The following CNTN4 variants were observed in gnomAD, a reference collection of about 807,000 sequenced individuals.
The protein encoded by CNTN4 is contactin-4.
In CNTN4, 77 loss-of-function variants were observed where a neutral mutation model predicts 122.5. That is an observed-to-expected ratio of 0.63 (90% confidence interval 0.52 to 0.76). The LOEUF (loss-of-function observed/expected upper bound fraction) is 0.76. Ranked by LOEUF, CNTN4 falls within the 30% of genes least tolerant of loss-of-function variation. The pLI, the probability that CNTN4 is intolerant of heterozygous loss-of-function variation, is 0.00. For synonymous variants in CNTN4, 512 were observed against 447.0 expected, an observed-to-expected ratio of 1.15 and a Z score of -1.83; for missense variants, 1,256 against 1,259.1, an observed-to-expected ratio of 1.00 and a Z score of 0.04.
Position 3,057,007 on chromosome 3 carries a change from C to A in CNTN4, c.*787C>A, listed in dbSNP as rs1701843833. ...TGAGTTAGCATTGTCTTTGTGGTAGCATTATCTTAGACATTAAATTTGAAG... is the reference window on the plus strand; with the variant it reads ...TGAGTTAGCATTGTCTTTGTGGTAGAATTATCTTAGACATTAAATTTGAAG... On this transcript the variant is annotated 3_prime_UTR_variant, in exon 25 of 25. Coordinates refer to ENST00000418658, the MANE Select transcript of CNTN4 (RefSeq NM_175607.3). The A allele has an allele frequency of 6.6e-6, 1 of 152,606 alleles. No homozygotes were observed. Among genetic ancestry groups the A allele is most frequent in the African/African-American group, 2.4e-5 (1 of 41,432 alleles). 9.5% of individuals were successfully genotyped at this position (152,606 alleles called of 1,614,324 possible).
At chr3:2,478,384 T>C (rs183833317) in intron 3 of CNTN4, among the ~76,000 whole-genome samples, 1 of 146,166 alleles carries the variant, frequency 6.8e-6, no homozygotes, top group Non-Finnish European at 1.5e-5. Flanking sequence ...CCGTGATACA[T>C]AGTTGTCTTT....
At chr3:2,421,251 C>T (rs965203127) in intron 3 of CNTN4, among the ~76,000 whole-genome samples, 67 of 136,824 alleles carry the variant, frequency 4.9e-4, no homozygotes, top group Middle Eastern at 7.6e-3. Context: ...CAGGGGGTTT[C>T]TTTTTTTTTT....
At chr3:2,835,052 C>T (rs2093193864) in intron 7 of CNTN4, among the ~76,000 whole-genome samples, 1 of 151,594 alleles carries the variant, frequency 6.6e-6, no homozygotes, top group South Asian at 2.1e-4. Flanking sequence ...CTACAGGCGC[C>T]CGCCACCACG....
intron 3 of CNTN4, among the ~76,000 whole-genome samples, chr3:2,555,367 T>G (rs77355554): frequency 6.6e-6 from 1 of 152,184 alleles, no homozygotes; most frequent in Non-Finnish European, 1.5e-5. Context: ...GTAGTTTAAA[T>G]CAGTTCAACA....
At chr3:2,216,701 C>A (rs1020767193) in intron 2 of CNTN4, among the ~76,000 whole-genome samples, 1 of 152,064 alleles carries the variant, frequency 6.6e-6, no homozygotes, top group Non-Finnish European at 1.5e-5. Context: ...TGGAAAATGT[C>A]CCAATAAACT....
chr3:3,046,249 C>T (rs756895285), intron 23 of CNTN4, among the ~76,000 whole-genome samples: 7 of 152,110 alleles, frequency 4.6e-5, no homozygotes, highest in Non-Finnish European at 2.9e-5. Context: ...CAAGGCAGGC[C>T]AACATTCAAA....
At chr3:2,789,019 C>A (rs1327063692) in intron 6 of CNTN4, among the ~76,000 whole-genome samples, 2 of 151,810 alleles carry the variant, frequency 1.3e-5, no homozygotes. Flanking sequence ...ATTTTATTTT[C>A]TCTTTATGCC....
chr3:2,774,706 T>C (rs1269757727), intron 6 of CNTN4, among the ~76,000 whole-genome samples: 1 of 152,214 alleles, frequency 6.6e-6, no homozygotes, highest in Non-Finnish European at 1.5e-5. Flanking sequence ...CTCTTTGTTT[T>C]CATTTGGAAA....
chr3:2,761,975 C>T (rs964350759), intron 6 of CNTN4, among the ~76,000 whole-genome samples: 2 of 152,058 alleles, frequency 1.3e-5, no homozygotes, highest in African/African-American at 2.4e-5. Flanking sequence ...TCCTTCTTCC[C>T]ATAAATATTT....
chr3:2,323,690 T>C (rs1029736954), intron 2 of CNTN4, among the ~76,000 whole-genome samples: 2 of 152,208 alleles, frequency 1.3e-5, no homozygotes, highest in African/African-American at 4.8e-5. Flanking sequence ...AACTATTTCA[T>C]TGCAACCCTG....
rs531403482 is a variant in CNTN4 at position 2,432,299 on chromosome 3, G to A, written c.-89+93066G>A. On this transcript the variant is annotated intron_variant, in intron 3 of 24. Coordinates refer to ENST00000418658, the MANE Select transcript of CNTN4 (RefSeq NM_175607.3). ...CAATAAAATATTTATGGAACGTTTTGTATATGCTAGATGTTGGGGAAAGCA... is the reference window on the plus strand; with the variant it reads ...CAATAAAATATTTATGGAACGTTTTATATATGCTAGATGTTGGGGAAAGCA... Among the ~76,000 whole-genome samples, 8 of 152,200 alleles carry A rather than the reference G, an allele frequency of 5.3e-5. No homozygotes were observed. The South Asian group carries it at 1.5e-3, about 28-fold the overall frequency.
Position 2,835,107 on chromosome 3 carries a change from G to A in CNTN4, c.454+15526G>A, listed in dbSNP as rs573688799. 2.6e-5 allele frequency among the ~76,000 whole-genome samples: 4 copies of A among 151,070 alleles called. 1 individual carries two copies. The highest frequency in any genetic ancestry group is 2.0e-4 in the East Asian group (1 of 5,116). On this transcript the variant is annotated intron_variant, in intron 7 of 24. Transcript: ENST00000418658. ...TTTTTAGTAGAGGCGGGGTTTCACC[G>A]TGTTAGCCAGGATGGTCTCGATCTC... is the stretch of plus-strand genomic sequence containing the variant.
chr3:2,640,523 T>C (rs1295770260), intron 4 of CNTN4, among the ~76,000 whole-genome samples: 1 of 152,318 alleles, frequency 6.6e-6, no homozygotes, highest in South Asian at 2.1e-4. Flanking sequence ...GGTTACCTGA[T>C]GCAGTTCTTT....
intron 6 of CNTN4, among the ~76,000 whole-genome samples, chr3:2,784,604 C>A (rs892253344): frequency 6.6e-6 from 1 of 151,332 alleles, no homozygotes; most frequent in Non-Finnish European, 1.5e-5. Context: ...CTTTTCAGCA[C>A]TGAAAGAACA....
chr3:2,557,126 A>AT (rs1291334268), intron 3 of CNTN4, among the ~76,000 whole-genome samples: 9 of 151,932 alleles, frequency 5.9e-5, no homozygotes, highest in Non-Finnish European at 2.9e-5. Flanking sequence ...CTATCCTCAG[A>AT]TTTTTTTTGC....
At position 2,235,724 on chromosome 3, in the gene CNTN4, C is replaced by T. The variant is rs1454222585; in HGVS notation, c.-144-103454C>T. Among the ~76,000 whole-genome samples, 6 of 152,156 alleles carry T rather than the reference C, an allele frequency of 3.9e-5. No homozygotes were observed. The East Asian group carries it at 7.7e-4, about 20-fold the overall frequency. Reference sequence around the variant, plus strand: ...TTTGTTAATTTAGAAGTAACAAGAGCATCTAGTATTATGCTTATTCTTGGG... The same window carrying T: ...TTTGTTAATTTAGAAGTAACAAGAGTATCTAGTATTATGCTTATTCTTGGG... On this transcript the variant is annotated intron_variant, in intron 2 of 24. Transcript: ENST00000418658.
chr3:2,837,124 G>C (rs2093244173), intron 7 of CNTN4, among the ~76,000 whole-genome samples: 1 of 152,140 alleles, frequency 6.6e-6, no homozygotes, highest in South Asian at 2.1e-4. Flanking sequence ...TTCTATGGTT[G>C]AATTTAGTGA....
At chr3:2,820,945 G>T in intron 7 of CNTN4, among the ~76,000 whole-genome samples, 1 of 129,236 alleles carries the variant, frequency 7.7e-6, no homozygotes, top group African/African-American at 3.0e-5. Context: ...TTTCTCACAT[G>T]CAACATTTTC....
At chr3:2,346,466 CA>C (rs2044400615) in intron 3 of CNTN4, among the ~76,000 whole-genome samples, 1 of 152,000 alleles carries the variant, frequency 6.6e-6, no homozygotes, top group Non-Finnish European at 1.5e-5. Flanking sequence ...TCATTGCTTC[CA>C]GCATCCCACT....
Sources: allele counts gnomAD v4.1 joint callset (sites outside exome capture counted in the v4.1 genomes callset), GRCh38; gene constraint gnomAD v4.1.1; transcripts MANE v1.5; gene names NCBI Gene and HGNC (gene_info 2026-07-23, HGNC 2026-07-21).